Variants in FAM184B observed in about 807,000 individuals in gnomAD.
The protein encoded by FAM184B is protein FAM184B.
FAM184B carries 111 observed loss-of-function variants against 135.9 expected under a neutral mutation model. The observed-to-expected ratio is 0.82, with a 90% CI of 0.70 to 0.96. FAM184B has a LOEUF of 0.96. Among genes scored for constraint, FAM184B ranks in the 40% least tolerant of loss-of-function variants. FAM184B has a pLI of 0.00. For missense variants in FAM184B, 1,375 were observed against 1,323.9 expected (o/e 1.04, Z -0.60); for synonymous variants, 552 against 524.8 (o/e 1.05, Z -0.71).
chr4:17,707,839 C>G, intron 2 of FAM184B, 55 bp from the exon 3 acceptor site: 1 of 1,540,796 alleles, frequency 6.5e-7, no homozygotes, highest in Non-Finnish European at 8.8e-7. Context: ...ATAGAGACAT[C>G]CTGTGTACAC....
intron 7 of FAM184B, among the ~76,000 whole-genome samples, chr4:17,665,442 GAC>G (rs1315520901): frequency 6.6e-6 from 1 of 152,138 alleles, no homozygotes; most frequent in African/African-American, 2.4e-5. Flanking sequence ...AACAGTATAA[GAC>G]AGGGTAGGAA....
At chr4:17,658,323 G>A (rs755388006) in intron 10 of FAM184B, 27 bp downstream of exon 10, 9 of 1,548,702 alleles carry the variant, frequency 5.8e-6, no homozygotes, top group Non-Finnish European at 7.9e-6. Flanking sequence ...GCCCGGCACA[G>A]AGTAGACGGC....
chr4:17,729,023 C>A (rs1265218097), intron 1 of FAM184B, among the ~76,000 whole-genome samples: 1 of 152,166 alleles, frequency 6.6e-6, no homozygotes, highest in East Asian at 1.9e-4. Flanking sequence ...ACAGACGGCA[C>A]CTGGAAAATC....
chr4:17,761,858 T>C (rs1347134068), intron 1 of FAM184B, among the ~76,000 whole-genome samples: 1 of 152,108 alleles, frequency 6.6e-6, no homozygotes, highest in African/African-American at 2.4e-5. Context: ...CAACCCACCT[T>C]ACCTCTCTGT....
At chr4:17,653,093 C>T in intron 10 of FAM184B, 110 bp from the exon 11 acceptor site, 1 of 1,037,696 alleles carries the variant, frequency 9.6e-7, no homozygotes, top group South Asian at 1.5e-5. Context: ...CTCGCACTCT[C>T]CCATGGAGGG....
chr4:17,660,222 G>A (rs1321772105), intron 8 of FAM184B, 135 bp from the exon 9 acceptor site: 2 of 1,106,882 alleles, frequency 1.8e-6, no homozygotes, highest in East Asian at 5.2e-5. Flanking sequence ...GAAACATCTT[G>A]CTTGGCTTTC....
rs149950383 is a variant in FAM184B at position 17,743,109 on chromosome 4, G to T, written c.142-33465C>A. ...TGGCCAGCAGCTGGCTGAGTGAAAC[G>T]GGCCACTCCAGTTCCTGCCCACAAA... On this transcript the variant is annotated intron_variant, in intron 1 of 17. Transcript: ENST00000265018. Among the ~76,000 whole-genome samples the T allele has an allele frequency of 3.3e-3, 500 of 152,296 alleles. 1 individual carries two copies. Among genetic ancestry groups the T allele is most frequent in the African/African-American group, 0.011 (462 of 41,554 alleles).
chr4:17,690,079 C>CG (rs1359281379), intron 6 of FAM184B, among the ~76,000 whole-genome samples: 3 of 151,654 alleles, frequency 2.0e-5, no homozygotes, highest in Non-Finnish European at 2.9e-5. Context: ...ACCTGAGAGG[C>CG]GGAGGTTACA....
At chr4:17,680,240 C>A (rs1226608832) in intron 7 of FAM184B, among the ~76,000 whole-genome samples, 1 of 152,106 alleles carries the variant, frequency 6.6e-6, no homozygotes, top group Non-Finnish European at 1.5e-5. Flanking sequence ...TTTTTGATGT[C>A]ATTAAAAATT....
At chr4:17,636,750 C>T in intron 14 of FAM184B, 105 bp from the exon 15 acceptor site, 2 of 964,322 alleles carry the variant, frequency 2.1e-6, no homozygotes. Context: ...TCAGCCCGGC[C>T]AGGGAGGCCC....
chr4:17,722,432 G>A (rs555863272), intron 1 of FAM184B, among the ~76,000 whole-genome samples: 19 of 152,310 alleles, frequency 1.2e-4, no homozygotes, highest in African/African-American at 4.6e-4. Context: ...TCCAGCAAAT[G>A]AGCTTGGAAT....
rs769782479 is a variant in FAM184B, at chr4:17,642,193, C to T, written c.2382G>A (p.Pro794=). 64 of 1,524,286 alleles carry T rather than the reference C, an allele frequency of 4.2e-5. No individual in the cohort carries two copies. Among genetic ancestry groups the T allele is most frequent in the Non-Finnish European group, 5.2e-5 (59 of 1,142,274 alleles). The allele number at this position is 1,524,286 out of a possible 1,614,324, so 94.4% of individuals were successfully genotyped here. Residue 794 remains proline, a synonymous_variant, in exon 13 of 18, where the codon CCG becomes CCA. Coordinates refer to ENST00000265018, the MANE Select transcript of FAM184B (RefSeq NM_015688.2). ...RGGPGQAGSP[P]GAAGQGSGEG... ...CGCCGGAACCCTGCCCAGCAGCGCC[C>T]GGTGGGGAGCCGGCCTGGCCCGGGC...
intron 1 of FAM184B, among the ~76,000 whole-genome samples, chr4:17,759,904 T>C (rs1269322227): frequency 2.6e-5 from 4 of 152,148 alleles, no homozygotes; most frequent in Non-Finnish European, 4.4e-5. Context: ...CAGGCCAAGG[T>C]GGGTACCGGT....
intron 1 of FAM184B, among the ~76,000 whole-genome samples, chr4:17,744,771 T>A (rs2108985179): frequency 6.6e-6 from 1 of 152,096 alleles, no homozygotes; most frequent in East Asian, 1.9e-4. Flanking sequence ...TAGTTCCTGC[T>A]ATCACAGTTT....
intron 11 of FAM184B, among the ~76,000 whole-genome samples, chr4:17,652,129 CTT>C (rs1173327491): frequency 0.018 from 1,497 of 81,372 alleles, 27 homozygotes; most frequent in East Asian, 0.076. Flanking sequence ...TATTTAATAT[CTT>C]TTTTTTTTTT....
At chr4:17,778,626 G>A (rs1718976530) in intron 1 of FAM184B, among the ~76,000 whole-genome samples, 1 of 152,228 alleles carries the variant, frequency 6.6e-6, no homozygotes, top group South Asian at 2.1e-4. Context: ...TGAGGCGGGA[G>A]GATTGCTTGA....
At chr4:17,689,455 G>A (rs753195002) in intron 6 of FAM184B, among the ~76,000 whole-genome samples, 18 of 152,080 alleles carry the variant, frequency 1.2e-4, no homozygotes, top group Non-Finnish European at 2.1e-4. Flanking sequence ...AAGGGACAGA[G>A]TGAGAGCAAG....
intron 5 of FAM184B, among the ~76,000 whole-genome samples, chr4:17,703,937 AAAAAAGC>A (rs1026174713): frequency 6.6e-6 from 1 of 151,844 alleles, no homozygotes; most frequent in East Asian, 1.9e-4. Flanking sequence ...TTCAAAAAAA[AAAAAAGC>A]AAAAAGCAAA....
intron 7 of FAM184B, among the ~76,000 whole-genome samples, chr4:17,682,985 G>T (rs1309402353): frequency 2.0e-5 from 3 of 152,152 alleles, no homozygotes; most frequent in South Asian, 4.1e-4. Flanking sequence ...CCACCAGATT[G>T]TTCAAGCCCC....
Sources: gnomAD v4.1 joint callset for allele counts (sites outside exome capture counted in the v4.1 genomes callset) on GRCh38, gnomAD v4.1.1 for gene constraint, MANE v1.5 for transcripts, NCBI Gene and HGNC (gene_info 2026-07-23, HGNC 2026-07-21) for gene names.